Variants in GALNT15 observed in about 807,000 individuals in gnomAD.
GALNT15 encodes the protein polypeptide N-acetylgalactosaminyltransferase 15.
In GALNT15, 67 loss-of-function variants were observed where a neutral mutation model predicts 66.8. The observed-to-expected ratio is 1.00, with a 90% CI of 0.82 to 1.23. GALNT15 has a LOEUF of 1.23. Ranked by LOEUF, GALNT15 falls within the 50% of genes most tolerant of loss-of-function variation. The pLI is 0.00. For synonymous variants in GALNT15, 313 were observed against 311.5 expected, an observed-to-expected ratio of 1.00 and a Z score of -0.05; for missense variants, 827 against 804.3, an observed-to-expected ratio of 1.03 and a Z score of -0.34.
Position 16,222,711 on chromosome 3 carries a change from A to C in GALNT15, c.1726A>C (p.Thr576Pro). ...RQEQVILQNC[T>P]EEGLAIHQQH... ...GGAGCAGGTGATTCTTCAGAACTGC[A>C]CGGAGGAAGGCCTGGCCATCCACCA... Residue 576 changes from threonine (T) to proline (P), a missense_variant, in exon 9 of 10, where the codon ACG becomes CCG. Coordinates refer to ENST00000339732, the MANE Select transcript of GALNT15 (RefSeq NM_054110.5). 6.2e-7 allele frequency: 1 copy of C among 1,614,244 alleles called. No homozygotes were observed.
chr3:16,211,076 G>A lies in GALNT15; in HGVS notation c.1080-48G>A, dbSNP rs200373442. Reference sequence around the variant, plus strand: ...GCCCCAGCCCCCAGCCTCGCCTGCTGTGCTCTGGGTTCTGAACTGCAGTGT... The same window carrying A: ...GCCCCAGCCCCCAGCCTCGCCTGCTATGCTCTGGGTTCTGAACTGCAGTGT... On this transcript the variant is annotated intron_variant, in intron 4 of 9. Transcript: ENST00000339732. This position sits in a 1 kb window ranked among gnomAD's most constrained non-coding sequence, Gnocchi z 4.3. 5.0e-4 allele frequency: 707 copies of A among 1,410,878 alleles called. 1 individual carries two copies. Among genetic ancestry groups the A allele is most frequent in the Non-Finnish European group, 4.8e-4 (479 of 996,960 alleles). 87.4% of individuals were successfully genotyped at this position (1,410,878 alleles called of 1,614,324 possible). A position where few individuals can be genotyped will look rare whatever the true frequency, so the allele number is the denominator to read the frequency against.
At chr3:16,237,491 C>T in the GALNT15 span, among the ~76,000 whole-genome samples, 1 of 152,240 alleles carries the variant, frequency 6.6e-6, no homozygotes, top group Non-Finnish European at 1.5e-5. This position sits in a 1 kb window ranked among gnomAD's most constrained non-coding sequence, Gnocchi z 4.2. Context: ...AGCCCTACAT[C>T]TACTTTGCAT....
At position 16,182,662 on chromosome 3, in the gene GALNT15, C is replaced by T. The variant is rs535640913; in HGVS notation, c.539+6972C>T. On this transcript the variant is annotated intron_variant, in intron 1 of 9. Transcript: ENST00000339732. This position sits in a 1 kb window ranked among gnomAD's most constrained non-coding sequence, Gnocchi z 6.1. ...TTCTGTACATCTGTCAGCTCACCTC[C>T]TATTGTCTTGTCACTAACAACCACT... The T allele has an allele frequency of 3.7e-4, 57 of 152,348 alleles. No homozygotes were observed. The highest frequency in any genetic ancestry group is 1.3e-3 in the African/African-American group (56 of 41,576). The allele number at this position is 152,348 out of a possible 1,614,324, so 9.4% of individuals were successfully genotyped here. A position where few individuals can be genotyped will look rare whatever the true frequency, so the allele number is the denominator to read the frequency against.
At position 16,229,068 on chromosome 3, in the gene GALNT15, C is replaced by T. The variant is rs1465116307; in HGVS notation, c.*1568C>T. The T allele has an allele frequency of 1.0e-6, 1 of 985,428 alleles. No homozygotes were observed. Among genetic ancestry groups the T allele is most frequent in the South Asian group, 4.7e-5 (1 of 21,286 alleles). The allele number at this position is 985,428 out of a possible 1,614,324, so 61.0% of individuals were successfully genotyped here. A position where few individuals can be genotyped will look rare whatever the true frequency, so the allele number is the denominator to read the frequency against. On this transcript the variant is annotated 3_prime_UTR_variant, in exon 10 of 10. Transcript: ENST00000339732. ...CCCCAGATGGAGTTACCTACCTTTC[C>T]ACATGGTCAGCTTAGAAATCTTCCC... is the stretch of plus-strand genomic sequence containing the variant.
intron 3 of GALNT15, 123 bp from the exon 4 acceptor site, chr3:16,208,380 A>G: frequency 1.2e-6 from 1 of 851,002 alleles, no homozygotes; most frequent in Non-Finnish European, 1.8e-6. Context: ...CCTGATTTGG[A>G]TAAACCCATT....
In GALNT15 at chr3:16,208,519, C is replaced by T. The variant is rs1309468250; in HGVS notation, c.928C>T (p.Pro310Ser). 5 of 1,613,906 alleles carry T rather than the reference C, an allele frequency of 3.1e-6. No individual in the cohort carries two copies. The African/African-American group carries it at 6.7e-5, about 22-fold the overall frequency. Residue 310 changes from proline (P) to serine (S), a missense_variant, in exon 4 of 10, where the codon CCG (proline) becomes TCG (serine). Pro to Ser is a moderately conservative substitution (Grantham distance 74). Coordinates refer to ENST00000339732, the MANE Select transcript of GALNT15 (RefSeq NM_054110.5). ...TCTTTCCAGGAGCCGAGTGGTATCT[C>T]CGGTGATAGATGTGATTGACTGGAA... ...IAGDRSRVVSPVIDVIDWKTF... is the reference protein window; with the variant it reads ...IAGDRSRVVSSVIDVIDWKTF...
rs934285082 is a variant in GALNT15 at position 16,198,278 on chromosome 3, A to G, written c.707-2341A>G. Among the ~76,000 whole-genome samples, 5 of 142,118 alleles carry G rather than the reference A, an allele frequency of 3.5e-5. 1 individual carries two copies. Among genetic ancestry groups the G allele is most frequent in the Admixed American group, 1.4e-4 (2 of 13,908 alleles). 93.2% of individuals were successfully genotyped at this position (142,118 alleles called of 152,430 possible). A position where few individuals can be genotyped will look rare whatever the true frequency, so the allele number is the denominator to read the frequency against. Reference sequence around the variant, plus strand: ...CAACAGGGCTGCTCTACCTCTGGACATCACATACATATTTCAAATAGGGAA... The same window carrying G: ...CAACAGGGCTGCTCTACCTCTGGACGTCACATACATATTTCAAATAGGGAA... On this transcript the variant is annotated intron_variant, in intron 2 of 9. Coordinates refer to ENST00000339732, the MANE Select transcript of GALNT15 (RefSeq NM_054110.5).
At position 16,193,497 on chromosome 3, in the gene GALNT15, G is replaced by T. The variant is rs1390429926; in HGVS notation, c.540-2263G>T. On this transcript the variant is annotated intron_variant, in intron 1 of 9. Coordinates refer to ENST00000339732, the MANE Select transcript of GALNT15 (RefSeq NM_054110.5). This position sits in a 1 kb window ranked among gnomAD's most constrained non-coding sequence, Gnocchi z 4.7. ...AACAAAATAATTAGCTCCTTTATGAGATGTTTATGTGTTTTTAAAAATTAT... is the reference window on the plus strand; with the variant it reads ...AACAAAATAATTAGCTCCTTTATGATATGTTTATGTGTTTTTAAAAATTAT... Among the ~76,000 whole-genome samples the T allele has an allele frequency of 3.3e-5, 5 of 152,108 alleles. No individual in the cohort carries two copies. The highest frequency in any genetic ancestry group is 6.5e-5 in the Admixed American group (1 of 15,276).
rs1214711877 is a variant in GALNT15, at chr3:16,222,659, A to G, written c.1674A>G (p.Pro558=). ...GGAAGGAGATTCACTTTGGCAGCCC[A>G]CAGCACCTGTGCTTTGCTGTCAGGC... ...TSRKEIHFGS[P]QHLCFAVRQE... Residue 558 remains proline (P), a synonymous_variant, in exon 9 of 10, where the codon CCA becomes CCG. Transcript: ENST00000339732. The G allele has an allele frequency of 6.2e-7, 1 of 1,614,104 alleles. No individual in the cohort carries two copies. The highest frequency in any genetic ancestry group is 8.5e-7 in the Non-Finnish European group (1 of 1,180,044).
At position 16,188,794 on chromosome 3, in the gene GALNT15, G is replaced by A. The variant is rs1188448317; in HGVS notation, c.540-6966G>A. Among the ~76,000 whole-genome samples the A allele has an allele frequency of 6.6e-6, 1 of 152,080 alleles. No individual in the cohort carries two copies. Among genetic ancestry groups the A allele is most frequent in the African/African-American group, 2.4e-5 (1 of 41,388 alleles). ...GCTCTGTAAGGTTGGGTGGGAGCGG[G>A]GGAGGAAGAGTGGATAGATTGCAAA... is the stretch of plus-strand genomic sequence containing the variant. On this transcript the variant is annotated intron_variant, in intron 1 of 9. Transcript: ENST00000339732. The surrounding 1 kb of genome is among the most constrained non-coding windows in gnomAD (Gnocchi z 4.6).
chr3:16,246,293 T>C, the GALNT15 span, among the ~76,000 whole-genome samples: 8 of 150,446 alleles, frequency 5.3e-5, no homozygotes, highest in South Asian at 2.1e-4. Flanking sequence ...TGCCCTCCTC[T>C]GGGACAAACA....
At chr3:16,185,285 A>G (rs1341934178) in intron 1 of GALNT15, among the ~76,000 whole-genome samples, 1 of 152,216 alleles carries the variant, frequency 6.6e-6, no homozygotes, top group African/African-American at 2.4e-5. Context: ...AGCCACACTG[A>G]AAAATAAAAA....
At chr3:16,245,772 G>T in the GALNT15 span, among the ~76,000 whole-genome samples, 2 of 152,186 alleles carry the variant, frequency 1.3e-5, no homozygotes, top group South Asian at 2.1e-4. Flanking sequence ...GACTGTAGCC[G>T]CAAACAGCTC....
At chr3:16,243,502 G>A in the GALNT15 span, among the ~76,000 whole-genome samples, 2 of 152,236 alleles carry the variant, frequency 1.3e-5, no homozygotes. Flanking sequence ...TTGGGGCTAT[G>A]CCCACCCGCC....
intron 2 of GALNT15, among the ~76,000 whole-genome samples, chr3:16,198,299 G>C (rs1176646119): frequency 7.1e-6 from 1 of 141,426 alleles, no homozygotes; most frequent in Non-Finnish European, 1.6e-5. Flanking sequence ...ATTTCAAATA[G>C]GGAAAAGGCG....
intron 6 of GALNT15, among the ~76,000 whole-genome samples, chr3:16,215,873 G>A (rs1443347217): frequency 1.4e-5 from 2 of 140,610 alleles, no homozygotes; most frequent in African/African-American, 5.4e-5. Flanking sequence ...TCATGCCACT[G>A]CACTCCAGCC....
rs1283221684 is a variant in GALNT15, at chr3:16,189,340, C to T, written c.540-6420C>T. On this transcript the variant is annotated intron_variant, in intron 1 of 9. Transcript: ENST00000339732. The surrounding 1 kb of genome is among the most constrained non-coding windows in gnomAD (Gnocchi z 5.1). ...AGTGCATGGTGATCTCTGAGCATGG[C>T]ACCCACTGGTGTTGGGCAATGCACC... Among the ~76,000 whole-genome samples the T allele has an allele frequency of 6.6e-6, 1 of 152,214 alleles. No individual in the cohort carries two copies. The highest frequency in any genetic ancestry group is 2.4e-5 in the African/African-American group (1 of 41,446).
chr3:16,244,954 C>T, the GALNT15 span, among the ~76,000 whole-genome samples: 1 of 152,138 alleles, frequency 6.6e-6, no homozygotes, highest in Non-Finnish European at 1.5e-5. Context: ...GCCTCAGATC[C>T]CCTGAGCCCT....
chr3:16,211,032 T>C lies in GALNT15; in HGVS notation c.1080-92T>C. On this transcript the variant is annotated intron_variant, in intron 4 of 9. Coordinates refer to ENST00000339732, the MANE Select transcript of GALNT15 (RefSeq NM_054110.5). The surrounding 1 kb of genome is among the most constrained non-coding windows in gnomAD (Gnocchi z 4.3). ...GCCTAAAGCCTGTTCTCTCAGCCAC[T>C]GGAGCTCCCACCTGGGAAGCCCCAG... is the stretch of plus-strand genomic sequence containing the variant. 2.3e-6 allele frequency: 2 copies of C among 860,442 alleles called. No individual in the cohort carries two copies. The allele number at this position is 860,442 out of a possible 1,614,324, so 53.3% of individuals were successfully genotyped here.
Sources: gnomAD v4.1 joint callset for allele counts (sites outside exome capture counted in the v4.1 genomes callset) on GRCh38, gnomAD v4.1.1 for gene constraint, Gnocchi (gnomAD v3.1) non-coding constraint, MANE v1.5 for transcripts, NCBI Gene and HGNC (gene_info 2026-07-23, HGNC 2026-07-21) for gene names.